Variants in EED observed in about 807,000 individuals in gnomAD.
The protein encoded by EED is embryonic ectoderm development, also known as polycomb protein EED.
EED carries 9 observed loss-of-function variants against 61.0 expected under a neutral mutation model. The ratio of observed to expected loss-of-function variants is 0.15; its 90% CI spans 0.09 to 0.26. EED has a LOEUF of 0.26. Among genes scored for constraint, EED ranks in the 10% least tolerant of loss-of-function variants. EED has a pLI of 1.00. For synonymous variants in EED, 187 were observed against 174.4 expected, an observed-to-expected ratio of 1.07 and a Z score of -0.57; for missense variants, 315 against 542.3, an observed-to-expected ratio of 0.58 and a Z score of 4.16.
At chr11:86,265,355 A>T (rs1477238197) in intron 7 of EED, 2 of 152,200 alleles carry the variant, frequency 1.3e-5, no homozygotes, top group African/African-American at 4.8e-5. Flanking sequence ...AGCAGGAGAC[A>T]GTATGTAGCT....
intron 6 of EED, among the ~76,000 whole-genome samples, chr11:86,258,709 C>G (rs1004071502): frequency 6.6e-6 from 1 of 151,490 alleles, no homozygotes; most frequent in Non-Finnish European, 1.5e-5. Context: ...GCATGTACCA[C>G]CATGCCCGGC....
At chr11:86,256,596 G>A in intron 5 of EED, 84 bp downstream of exon 5, 1 of 1,282,128 alleles carries the variant, frequency 7.8e-7, no homozygotes, top group Admixed American at 2.8e-5. Flanking sequence ...TAAAACTAAT[G>A]GTATGAATGT....
At chr11:86,282,982 A>C (rs1200814410), downstream of EED, among the ~76,000 whole-genome samples, 3 of 152,134 alleles carry the variant, frequency 2.0e-5, no homozygotes, top group Admixed American at 6.6e-5. Context: ...ATACAAAAAA[A>C]AATTAGCCAG....
At chr11:86,252,283 G>T in intron 3 of EED, 43 bp downstream of exon 3, 1 of 1,361,216 alleles carries the variant, frequency 7.3e-7, no homozygotes, top group South Asian at 1.3e-5. Context: ...TTGATTTCCA[G>T]ATCTGGTGTT....
chr11:86,250,261 G>A (rs754683234), intron 1 of EED, 35 bp from the exon 2 acceptor site: 7 of 1,464,860 alleles, frequency 4.8e-6, no homozygotes, highest in Non-Finnish European at 5.4e-6. Context: ...CAGTATTGCT[G>A]TTTCATGTAA....
At chr11:86,287,089 A>G in the EED span, among the ~76,000 whole-genome samples, 1 of 150,264 alleles carries the variant, frequency 6.7e-6, no homozygotes, top group Non-Finnish European at 1.5e-5. Flanking sequence ...GAAATTTTCT[A>G]TTTCTTTTTT....
Position 86,250,362 on chromosome 11 carries a change from A to G in EED, c.181A>G (p.Asn61Asp). 6.2e-7 allele frequency: 1 copy of G among 1,609,300 alleles called. No homozygotes were observed. The highest frequency in any genetic ancestry group is 1.3e-5 in the African/African-American group (1 of 74,608). Residue 61 changes from asparagine (N) to aspartate (D), a missense_variant, in exon 2 of 12, where the codon AAT becomes GAT. By Grantham distance (23) the Asn-to-Asp change is conservative. Coordinates refer to ENST00000263360, the MANE Select transcript of EED (RefSeq NM_003797.5). ...ERPDTPTNTP[N>D]APGRKSWGKG... The stretch of plus-strand genomic sequence containing the variant: ...CCCTGATACACCTACAAACACGCCA[A>G]ATGCACCTGGAAGGAAAAGTTGGGG...
intron 1 of EED, among the ~76,000 whole-genome samples, chr11:86,249,907 G>T (rs1280496587): frequency 6.6e-6 from 1 of 152,138 alleles, no homozygotes; most frequent in Admixed American, 6.5e-5. Flanking sequence ...AGATTTAAGA[G>T]TCACAGCTTT....
At chr11:86,260,402 A>AG in intron 6 of EED, among the ~76,000 whole-genome samples, 1 of 73,842 alleles carries the variant, frequency 1.4e-5, no homozygotes, top group Non-Finnish European at 3.7e-5. Context: ...AATTTTTAAA[A>AG]ATTTTTTGTA....
chr11:86,271,023 T>A (rs1593763317), intron 9 of EED, among the ~76,000 whole-genome samples: 2 of 152,340 alleles, frequency 1.3e-5, no homozygotes, highest in South Asian at 4.1e-4. Context: ...TGTGTAAATT[T>A]TAGAATAATC....
chr11:86,246,886 C>T (rs1229544098), intron 1 of EED, among the ~76,000 whole-genome samples: 1 of 152,148 alleles, frequency 6.6e-6, no homozygotes, highest in Non-Finnish European at 1.5e-5. Flanking sequence ...ATGGTATTTA[C>T]CTCATAGAGT....
chr11:86,260,500 A>T (rs1945799718), intron 6 of EED, among the ~76,000 whole-genome samples: 1 of 141,402 alleles, frequency 7.1e-6, no homozygotes, highest in South Asian at 2.3e-4. Flanking sequence ...AAGTGCTGGG[A>T]TTACAGGTGT....
intron 1 of EED, 128 bp downstream of exon 1, chr11:86,245,471 G>C (rs947154932): frequency 2.6e-6 from 2 of 782,758 alleles, no homozygotes; most frequent in African/African-American, 1.8e-5. Flanking sequence ...AAACGCGGGC[G>C]TGCGGGAGAA....
At chr11:86,253,129 T>C (rs1794420706) in intron 3 of EED, among the ~76,000 whole-genome samples, 1 of 152,226 alleles carries the variant, frequency 6.6e-6, no homozygotes, top group African/African-American at 2.4e-5. Context: ...ACTCTAAATA[T>C]TTTTAAGTTA....
At chr11:86,285,113 A>T in the EED span, among the ~76,000 whole-genome samples, 1 of 151,862 alleles carries the variant, frequency 6.6e-6, no homozygotes, top group Admixed American at 6.6e-5. Context: ...TCTGTCTCAA[A>T]AACGAAAAAC....
At chr11:86,286,971 C>CAAAAAAAAA in the EED span, among the ~76,000 whole-genome samples, 3 of 68,330 alleles carry the variant, frequency 4.4e-5, no homozygotes, top group Non-Finnish European at 5.8e-5. Context: ...GACTCCGTCT[C>CAAAAAAAAA]AAAAAAAAAA....
At chr11:86,254,077 A>AAAG (rs1945606983) in intron 3 of EED, among the ~76,000 whole-genome samples, 1 of 139,320 alleles carries the variant, frequency 7.2e-6, no homozygotes, top group Non-Finnish European at 1.6e-5. Context: ...AAAAAAAAAG[A>AAAG]AAATGGAAAG....
At chr11:86,283,853 GAAAA>G in the EED span, 3 of 135,614 alleles carry the variant, frequency 2.2e-5, no homozygotes, top group African/African-American at 5.6e-5. Context: ...TGGAGATCCA[GAAAA>G]AAAAAAAAAA....
At chr11:86,255,460 A>G (rs917936997) in intron 4 of EED, among the ~76,000 whole-genome samples, 173 bp downstream of exon 4, 1 of 152,190 alleles carries the variant, frequency 6.6e-6, no homozygotes, top group African/African-American at 2.4e-5. Flanking sequence ...TTAGAAATCC[A>G]TTGTGGTATG....
Sources: allele counts gnomAD v4.1 joint callset (sites outside exome capture counted in the v4.1 genomes callset), GRCh38; gene constraint gnomAD v4.1.1; transcripts MANE v1.5; gene names NCBI Gene and HGNC (gene_info 2026-07-23, HGNC 2026-07-21).